Variants in ESR2 observed in about 807,000 individuals in gnomAD.
ESR2 encodes estrogen receptor beta.
In ESR2, 36 loss-of-function variants were observed where a neutral mutation model predicts 49.6. The observed-to-expected ratio is 0.73, with a 90% CI of 0.56 to 0.96. The LOEUF (loss-of-function observed/expected upper bound fraction) is 0.96. Ranked by LOEUF, ESR2 falls within the 40% of genes least tolerant of loss-of-function variation. The pLI, the probability that ESR2 is intolerant of heterozygous loss-of-function variation, is 0.00. For synonymous variants in ESR2, 320 were observed against 266.1 expected (o/e 1.20, Z -1.97); for missense variants, 714 against 693.0 (o/e 1.03, Z -0.34).
chr14:64,247,933 T>C (rs1000975366), intron 7 of ESR2, among the ~76,000 whole-genome samples: 2 of 152,104 alleles, frequency 1.3e-5, no homozygotes, highest in African/African-American at 2.4e-5. Context: ...AGATCTCTCC[T>C]AGTTGACCCA....
chr14:64,326,791 C>T (rs2077395532), intron 1 of ESR2, among the ~76,000 whole-genome samples: 1 of 152,186 alleles, frequency 6.6e-6, no homozygotes, highest in African/African-American at 2.4e-5. Flanking sequence ...TTTCTCACAG[C>T]CCTATTACCC....
chr14:64,288,398 G>A (rs2076816270), intron 1 of ESR2, among the ~76,000 whole-genome samples: 2 of 150,064 alleles, frequency 1.3e-5, no homozygotes, highest in Non-Finnish European at 3.0e-5. Flanking sequence ...GCCCAGGCTG[G>A]AGTGCAGTGG....
At chr14:64,237,195 C>T (rs754810762) in intron 7 of ESR2, among the ~76,000 whole-genome samples, 1 of 151,980 alleles carries the variant, frequency 6.6e-6, no homozygotes, top group Non-Finnish European at 1.5e-5. Flanking sequence ...CTCCTGACCT[C>T]GCAATCCGCC....
chr14:64,291,498 T>C (rs2140845738), intron 1 of ESR2, among the ~76,000 whole-genome samples: 1 of 152,266 alleles, frequency 6.6e-6, no homozygotes, highest in African/African-American at 2.4e-5. Flanking sequence ...AAATACAGGC[T>C]GTTTTTCATA....
At position 64,260,485 on chromosome 14, in the gene ESR2, A is replaced by G; in HGVS notation, c.916T>C (p.Leu306=). 2 of 1,529,228 alleles carry G rather than the reference A, an allele frequency of 1.3e-6. No individual in the cohort carries two copies. Among genetic ancestry groups the G allele is most frequent in the Non-Finnish European group, 1.8e-6 (2 of 1,138,884 alleles). The allele number at this position is 1,529,228 out of a possible 1,614,324, so 94.7% of individuals were successfully genotyped here. ...MSLTKLADKE[L]VHMISWAKKI... The stretch of plus-strand genomic sequence containing the variant: ...TTGGCCCAGCTGATCATGTGTACCA[A>G]CTCCTTGTCGGCCAACTTGGTCAGG... The change falls in exon 5 of 9, where the codon TTG becomes CTG. Residue 306 remains leucine (L), a synonymous_variant. Transcript: ENST00000341099.
intron 1 of ESR2, among the ~76,000 whole-genome samples, chr14:64,320,577 T>A (rs1305646843): frequency 6.6e-6 from 1 of 152,118 alleles, no homozygotes; most frequent in African/African-American, 2.4e-5. Flanking sequence ...AATCCTAATG[T>A]AAACCCCGGA....
At chr14:64,266,707 G>C (rs978318688) in intron 4 of ESR2, among the ~76,000 whole-genome samples, 2 of 152,118 alleles carry the variant, frequency 1.3e-5, no homozygotes, top group Non-Finnish European at 2.9e-5. Context: ...ATTATCTCTG[G>C]ATTTTCAGTT....
At chr14:64,279,393 A>T (rs2076620596) in intron 3 of ESR2, among the ~76,000 whole-genome samples, 1 of 152,136 alleles carries the variant, frequency 6.6e-6, no homozygotes, top group Non-Finnish European at 1.5e-5. Flanking sequence ...GTTGATTTAA[A>T]AAAAAAAATC....
At chr14:64,332,549 C>T (rs1241222040) in intron 1 of ESR2, among the ~76,000 whole-genome samples, 1 of 151,954 alleles carries the variant, frequency 6.6e-6, no homozygotes, top group African/African-American at 2.4e-5. Flanking sequence ...GCCTGTAATC[C>T]CAGCACTTTG....
Position 64,233,203 on chromosome 14 carries a change from C to T in ESR2, c.1527G>A (p.Gly509=). The change falls in exon 9 of 9, where the codon GGG becomes GGA. Residue 509 remains glycine, a synonymous_variant. Transcript: ENST00000341099. ...VLRGCKSSIT[G]SECSPAEDSK... ...TGTCCTCTGCCGGGCTGCACTCGGACCCCGTGATGGAGGACTTGCACCCGC... is the reference window on the plus strand; with the variant it reads ...TGTCCTCTGCCGGGCTGCACTCGGATCCCGTGATGGAGGACTTGCACCCGC... 6.2e-7 allele frequency: 1 copy of T among 1,614,130 alleles called. No homozygotes were observed. Among genetic ancestry groups the T allele is most frequent in the Non-Finnish European group, 8.5e-7 (1 of 1,180,014 alleles).
chr14:64,329,862 G>C (rs1383480423), intron 1 of ESR2: 1 of 152,218 alleles, frequency 6.6e-6, no homozygotes, highest in Admixed American at 6.5e-5. Flanking sequence ...TACCCGGCTA[G>C]GCATGGTGGC....
chr14:64,257,031 G>A (rs1489625739), intron 6 of ESR2, among the ~76,000 whole-genome samples, 195 bp downstream of exon 6: 3 of 152,126 alleles, frequency 2.0e-5, no homozygotes, highest in Non-Finnish European at 4.4e-5. Context: ...GATTAAAAAT[G>A]AGTCACAGGA....
At chr14:64,304,823 C>T (rs1248990951) in intron 1 of ESR2, among the ~76,000 whole-genome samples, 2 of 151,926 alleles carry the variant, frequency 1.3e-5, no homozygotes, top group Non-Finnish European at 2.9e-5. Flanking sequence ...CTGCAGTGAG[C>T]TGTGATTGTT....
chr14:64,288,121 C>G (rs1335248942), intron 1 of ESR2, among the ~76,000 whole-genome samples: 2 of 152,202 alleles, frequency 1.3e-5, no homozygotes, highest in African/African-American at 2.4e-5. Context: ...TCTCCCAGCA[C>G]ACACCCCTGT....
rs200829379 is a variant in ESR2 at position 64,242,447 on chromosome 14, A to AC, written c.1225+7098_1225+7099insG. 3.1e-3 allele frequency among the ~76,000 whole-genome samples: 266 copies of AC among 85,336 alleles called. 1 individual carries two copies. Among genetic ancestry groups the AC allele is most frequent in the Middle Eastern group, 0.014 (2 of 140 alleles). The allele number at this position is 85,336 out of a possible 152,430, so 56.0% of individuals were successfully genotyped here. On this transcript the variant is annotated intron_variant, in intron 7 of 8. Coordinates refer to ENST00000341099, the MANE Select transcript of ESR2 (RefSeq NM_001437.3). ...AAAAACAAAACAAACAAACAAACAA[A>AC]AAAAATATATATATATATATAAAAT...
intron 7 of ESR2, among the ~76,000 whole-genome samples, chr14:64,235,499 A>G (rs1256063): frequency 0.95 from 145,148 of 152,346 alleles, 69,212 homozygotes; most frequent in East Asian, 1. Context: ...ATGGTCAGAA[A>G]GTGAGATTAA....
chr14:64,300,027 C>T (rs1394636502), intron 1 of ESR2, among the ~76,000 whole-genome samples: 4 of 152,194 alleles, frequency 2.6e-5, no homozygotes, highest in African/African-American at 2.4e-5. Flanking sequence ...CCTCAGCCTG[C>T]TCCACGTATT....
rs1436779343 is a variant in ESR2, at chr14:64,231,304, C to T, written c.*1833G>A. On this transcript the variant is annotated 3_prime_UTR_variant, in exon 9 of 9. Transcript: ENST00000341099. Reference sequence around the variant, plus strand: ...CCTTCTTTGCCTCTTACTTCCTACTCTCCAGCTTCCAAACCCCTCTATTGG... The same window carrying T: ...CCTTCTTTGCCTCTTACTTCCTACTTTCCAGCTTCCAAACCCCTCTATTGG... The T allele has an allele frequency of 6.6e-6, 1 of 152,200 alleles. No homozygotes were observed. The highest frequency in any genetic ancestry group is 1.5e-5 in the Non-Finnish European group (1 of 68,036). The allele number at this position is 152,200 out of a possible 1,614,324, so 9.4% of individuals were successfully genotyped here.
At chr14:64,278,302 C>G (rs940129267) in intron 3 of ESR2, among the ~76,000 whole-genome samples, 1 of 152,074 alleles carries the variant, frequency 6.6e-6, no homozygotes, top group African/African-American at 2.4e-5. Context: ...GAGGTGAAGT[C>G]GCAGAGCTAG....
Sources: allele counts gnomAD v4.1 joint callset (sites outside exome capture counted in the v4.1 genomes callset), GRCh38; gene constraint gnomAD v4.1.1; transcripts MANE v1.5; gene names NCBI Gene and HGNC (gene_info 2026-07-23, HGNC 2026-07-21).